The following NCOR2 variants were observed in gnomAD, a reference collection of about 807,000 sequenced individuals.
NCOR2 encodes CTG repeat protein 26.
In NCOR2, 81 loss-of-function variants were observed where a neutral mutation model predicts 262.9. The ratio of observed to expected loss-of-function variants is 0.31; its 90% CI spans 0.26 to 0.37. The LOEUF (loss-of-function observed/expected upper bound fraction) is 0.37. Ranked by LOEUF, NCOR2 falls within the 10% of genes least tolerant of loss-of-function variation. The probability of loss-of-function intolerance (pLI) is 1.00; values close to 1 mark genes in which losing one functional copy is unlikely to be tolerated. For synonymous variants in NCOR2, 1,659 were observed against 1,559.3 expected, an observed-to-expected ratio of 1.06 and a Z score of -1.51; for missense variants, 3,385 against 3,621.4, an observed-to-expected ratio of 0.93 and a Z score of 1.68.
Position 124,437,115 on chromosome 12 carries a change from A to G in NCOR2, c.882+815T>C, listed in dbSNP as rs146373233. ...ATAAATAATAAATAAATAAACAAAT[A>G]AAATGAAATGAAATGTAATGAAATG... On this transcript the variant is annotated intron_variant, in intron 8 of 46. Transcript: ENST00000405201. Among the ~76,000 whole-genome samples the G allele has an allele frequency of 6.8e-3, 1,009 of 149,112 alleles. 7 individuals are homozygous for G. Among genetic ancestry groups the G allele is most frequent in the Non-Finnish European group, 0.011 (776 of 67,762 alleles).
intron 1 of NCOR2, among the ~76,000 whole-genome samples, chr12:124,515,332 C>T (rs1046050178): frequency 2.0e-5 from 3 of 151,482 alleles, no homozygotes; most frequent in African/African-American, 7.3e-5. Context: ...CGTGCCACTG[C>T]ACTGCACTCC....
intron 16 of NCOR2, among the ~76,000 whole-genome samples, chr12:124,390,780 T>A (rs1470252793): frequency 1.3e-5 from 2 of 152,248 alleles, no homozygotes; most frequent in Non-Finnish European, 2.9e-5. Context: ...TCTGCCACCA[T>A]GCCCTGTGGT....
chr12:124,485,800 G>A (rs1383184067), intron 2 of NCOR2, among the ~76,000 whole-genome samples: 5 of 152,200 alleles, frequency 3.3e-5, no homozygotes, highest in Admixed American at 2.0e-4. Flanking sequence ...CTGAGAAATA[G>A]GCACAATTCC....
At chr12:124,335,085 G>A (rs759831695) in intron 40 of NCOR2, 50 bp downstream of exon 42, 1 of 1,611,866 alleles carries the variant, frequency 6.2e-7, no homozygotes, top group Non-Finnish European at 8.5e-7. Flanking sequence ...TCCAGGCCTG[G>A]TGCCCCCAGG....
intron 45 of NCOR2, among the ~76,000 whole-genome samples, chr12:124,326,719 G>A (rs149212402): frequency 6.6e-6 from 1 of 152,292 alleles, no homozygotes; most frequent in Non-Finnish European, 1.5e-5. Flanking sequence ...CGTGGCCCCA[G>A]GACCATGCTA....
rs1264801067 is a variant in NCOR2, at chr12:124,378,304, C to T, written c.2100G>A (p.Val700=). The change falls in exon 18 of 47, where the codon GTG becomes GTA. Residue 700 remains valine (V), a synonymous_variant. Transcript: ENST00000405201. This position sits in a 1 kb window ranked among gnomAD's most constrained non-coding sequence, Gnocchi z 4.2. The stretch of plus-strand genomic sequence containing the variant: ...CCGACGCCTCCATCTCCTCATCCTC[C>T]ACCACGGGCGGGAATGCAGCCTCCT... The T allele has an allele frequency of 1.2e-6, 2 of 1,614,056 alleles. No individual in the cohort carries two copies. The highest frequency in any genetic ancestry group is 1.3e-5 in the African/African-American group (1 of 75,068).
intron 8 of NCOR2, among the ~76,000 whole-genome samples, chr12:124,435,970 G>A (rs1235022812): frequency 6.6e-6 from 1 of 152,236 alleles, no homozygotes; most frequent in African/African-American, 2.4e-5. Flanking sequence ...AATGTATGGA[G>A]AGCACTCAGA....
chr12:124,354,723 C>A (rs1226051742), intron 25 of NCOR2, 114 bp downstream of exon 27: 1 of 1,300,596 alleles, frequency 7.7e-7, no homozygotes, highest in Non-Finnish European at 1.0e-6. Context: ...GGGGGGACCT[C>A]CCAGCTGCTA....
chr12:124,342,900 G>T (rs2036578975), intron 33 of NCOR2, 105 bp downstream of exon 35: 2 of 1,278,196 alleles, frequency 1.6e-6, no homozygotes, highest in Non-Finnish European at 2.1e-6. Flanking sequence ...CGCCATCCAG[G>T]GGAACCTGAC....
chr12:124,328,730 T>C (rs2032650452), intron 44 of NCOR2: 1 of 175,444 alleles, frequency 5.7e-6, no homozygotes, highest in African/African-American at 2.4e-5. Context: ...GAATACAAAG[T>C]GGTCAAATCG....
exon 29 of NCOR2, chr12:124,348,297 G>C: frequency 6.2e-7 from 1 of 1,610,992 alleles, no homozygotes; most frequent in South Asian, 1.1e-5. Flanking sequence ...TTGGAGCACT[G>C]GGTCACAGAC....
intron 37 of NCOR2, among the ~76,000 whole-genome samples, chr12:124,337,561 T>C (rs1035966331): frequency 3.3e-5 from 5 of 152,062 alleles, no homozygotes; most frequent in African/African-American, 1.2e-4. Context: ...AGGTAGTCAA[T>C]GAGGTACCAG....
At chr12:124,485,251 A>C (rs1426607932) in intron 2 of NCOR2, among the ~76,000 whole-genome samples, 1 of 152,240 alleles carries the variant, frequency 6.6e-6, no homozygotes. Flanking sequence ...CCTTCTTTGG[A>C]CCTAGGGTCA....
At chr12:124,400,619 G>A in exon 15 of NCOR2, 1 of 1,614,182 alleles carries the variant, frequency 6.2e-7, no homozygotes, top group Non-Finnish European at 8.5e-7. Flanking sequence ...GGCCTTTGGA[G>A]GCCACAGCCT....
chr12:124,442,631 G>A (rs1427328315), intron 7 of NCOR2, among the ~76,000 whole-genome samples: 3 of 152,200 alleles, frequency 2.0e-5, no homozygotes, highest in African/African-American at 4.8e-5. Flanking sequence ...TTGAAACACC[G>A]TGGTGAAGAC....
chr12:124,342,153 C>T (rs1208682407), intron 33 of NCOR2, 79 bp from the exon 36 acceptor site: 1 of 1,476,724 alleles, frequency 6.8e-7, no homozygotes, highest in African/African-American at 1.4e-5. Context: ...TGGATGCCCC[C>T]TACTTCTGCA....
At chr12:124,463,428 A>G (rs1477167195) in intron 5 of NCOR2, among the ~76,000 whole-genome samples, 1 of 152,210 alleles carries the variant, frequency 6.6e-6, no homozygotes, top group Non-Finnish European at 1.5e-5. Flanking sequence ...CTCAGGCTGC[A>G]GCCACCCTGA....
At chr12:124,536,902 G>A (rs775000738), upstream of NCOR2, among the ~76,000 whole-genome samples, 23 of 152,102 alleles carry the variant, frequency 1.5e-4, no homozygotes, top group Non-Finnish European at 3.2e-4. Flanking sequence ...CAACCCAACG[G>A]TCCATCGACA....
intron 8 of NCOR2, among the ~76,000 whole-genome samples, chr12:124,436,173 A>C (rs1295471324): frequency 6.6e-6 from 1 of 152,078 alleles, no homozygotes; most frequent in East Asian, 1.9e-4. Flanking sequence ...ATCAGCTAAC[A>C]CCCTGTCCCG....
Sources: gnomAD v4.1 joint callset for allele counts (sites outside exome capture counted in the v4.1 genomes callset) on GRCh38, gnomAD v4.1.1 for gene constraint, Gnocchi (gnomAD v3.1) non-coding constraint, MANE v1.5 for transcripts, NCBI Gene and HGNC (gene_info 2026-07-23, HGNC 2026-07-21) for gene names.